The following ZBTB44 variants were observed in gnomAD, a reference collection of about 807,000 sequenced individuals.
ZBTB44 encodes the protein zinc finger and BTB domain-containing protein 44.
A neutral mutation model predicts 54.0 loss-of-function variants in ZBTB44; 15 were observed. The ratio of observed to expected loss-of-function variants is 0.28; its 90% CI spans 0.19 to 0.43. The LOEUF is 0.43. Ranked by LOEUF, ZBTB44 falls within the 20% of genes least tolerant of loss-of-function variation. The pLI, the probability that ZBTB44 is intolerant of heterozygous loss-of-function variation, is 1.00. For missense variants in ZBTB44, 487 were observed against 707.1 expected (o/e 0.69, Z 3.53); for synonymous variants, 230 against 250.1 (o/e 0.92, Z 0.76).
chr11:130,311,301 T>C (rs1173518454), intron 1 of ZBTB44, among the ~76,000 whole-genome samples: 2 of 152,138 alleles, frequency 1.3e-5, no homozygotes, highest in Non-Finnish European at 2.9e-5. Flanking sequence ...CTCAACCTCC[T>C]GGGCTCAAGT....
intron 2 of ZBTB44, among the ~76,000 whole-genome samples, chr11:130,259,990 C>A (rs1938739866): frequency 6.6e-6 from 1 of 151,782 alleles, no homozygotes; most frequent in Non-Finnish European, 1.5e-5. Flanking sequence ...AACTATAAAT[C>A]ATTTTATTTT....
In ZBTB44 at chr11:130,267,994, C is replaced by A. The variant is rs942760895; in HGVS notation, c.-56-6065G>T. Among the ~76,000 whole-genome samples the A allele has an allele frequency of 2.7e-5, 4 of 150,454 alleles. No individual in the cohort carries two copies. The East Asian group carries it at 7.9e-4, about 30-fold the overall frequency. On this transcript the variant is annotated intron_variant, in intron 1 of 7. Transcript: ENST00000357899. Reference sequence around the variant, plus strand: ...AGGCTGAGGCAGAACTGCTTGAACCCGGGAGGTGGAGGCTGCAGTGAACCA... The same window carrying A: ...AGGCTGAGGCAGAACTGCTTGAACCAGGGAGGTGGAGGCTGCAGTGAACCA...
chr11:130,256,403 C>T (rs192100773), intron 2 of ZBTB44, among the ~76,000 whole-genome samples: 55 of 152,276 alleles, frequency 3.6e-4, no homozygotes, highest in African/African-American at 1.3e-3. Context: ...CCTGGCTGGG[C>T]GTGGTGGCTC....
intron 1 of ZBTB44, among the ~76,000 whole-genome samples, chr11:130,291,434 G>A (rs1263263661): frequency 6.6e-6 from 1 of 152,092 alleles, no homozygotes; most frequent in South Asian, 2.1e-4. Context: ...ACCGCGCCCG[G>A]CCAGCCTTCC....
At chr11:130,267,964 T>G (rs1939379557) in intron 1 of ZBTB44, among the ~76,000 whole-genome samples, 1 of 151,218 alleles carries the variant, frequency 6.6e-6, no homozygotes, top group African/African-American at 2.4e-5. Flanking sequence ...TCCCAGCTAC[T>G]CGGGAGGCTG....
Position 130,236,337 on chromosome 11 carries a change from A to G in ZBTB44, c.1568+456T>C, listed in dbSNP as rs1235568794. 3 of 969,072 alleles carry G rather than the reference A, an allele frequency of 3.1e-6. No homozygotes were observed. The African/African-American group carries it at 5.1e-5, about 17-fold the overall frequency. The allele number at this position is 969,072 out of a possible 1,614,324, so 60.0% of individuals were successfully genotyped here. On this transcript the variant is annotated intron_variant, in intron 5 of 7. Transcript: ENST00000357899. ...TCACACCCACTATAGTTGCCTTTGAAATTTTTCTTACTGGCCAATGGCTAT... is the reference window on the plus strand; with the variant it reads ...TCACACCCACTATAGTTGCCTTTGAGATTTTTCTTACTGGCCAATGGCTAT...
chr11:130,239,978 A>G, intron 2 of ZBTB44, 82 bp from the exon 3 acceptor site: 1 of 908,562 alleles, frequency 1.1e-6, no homozygotes, highest in South Asian at 1.4e-5. Context: ...ATTATATCTA[A>G]GCCTCTGACA....
intron 1 of ZBTB44, 132 bp from the exon 2 acceptor site, chr11:130,262,061 G>A: frequency 3.0e-6 from 2 of 656,946 alleles, no homozygotes; most frequent in Admixed American, 6.2e-5. Flanking sequence ...CTTCAAGGTA[G>A]GGACTGTATA....
intron 1 of ZBTB44, among the ~76,000 whole-genome samples, chr11:130,294,023 C>G (rs1941475978): frequency 6.6e-6 from 1 of 152,124 alleles, no homozygotes; most frequent in Non-Finnish European, 1.5e-5. Flanking sequence ...CTTTCTACAT[C>G]AAGAGAAGAT....
chr11:130,304,555 G>T (rs1009767050), intron 1 of ZBTB44, among the ~76,000 whole-genome samples: 1 of 152,042 alleles, frequency 6.6e-6, no homozygotes, highest in African/African-American at 2.4e-5. Flanking sequence ...GATACAGCAT[G>T]TTACTGGTTT....
chr11:130,265,356 C>T (rs1322435069), intron 1 of ZBTB44, among the ~76,000 whole-genome samples: 2 of 152,138 alleles, frequency 1.3e-5, no homozygotes, highest in African/African-American at 2.4e-5. Flanking sequence ...TCCAGAGTAG[C>T]TGGAAATACA....
intron 2 of ZBTB44, among the ~76,000 whole-genome samples, chr11:130,247,153 TC>T (rs1937613288): frequency 6.6e-6 from 1 of 152,146 alleles, no homozygotes; most frequent in South Asian, 2.1e-4. Flanking sequence ...TTTAACACCT[TC>T]TTACTGACAA....
chr11:130,282,608 G>T (rs1412374959), intron 1 of ZBTB44, among the ~76,000 whole-genome samples: 4 of 152,118 alleles, frequency 2.6e-5, no homozygotes, highest in African/African-American at 9.7e-5. Flanking sequence ...TTAATTTCCA[G>T]GTAAAGAGCA....
intron 6 of ZBTB44, 197 bp from the exon 7 acceptor site, chr11:130,233,579 G>A: frequency 7.1e-7 from 1 of 1,399,090 alleles, no homozygotes; most frequent in Non-Finnish European, 9.3e-7. Context: ...GTGTACAGCA[G>A]TAAGTATCTA....
chr11:130,269,566 T>C (rs1048619662), intron 1 of ZBTB44, among the ~76,000 whole-genome samples: 1 of 152,348 alleles, frequency 6.6e-6, no homozygotes, highest in South Asian at 2.1e-4. Flanking sequence ...GTGAAAGTGG[T>C]ATGTTGCTAA....
At chr11:130,289,337 G>A (rs913037466) in intron 1 of ZBTB44, among the ~76,000 whole-genome samples, 30 of 151,956 alleles carry the variant, frequency 2.0e-4, no homozygotes, top group Admixed American at 3.9e-4. Flanking sequence ...ACAAAAATTC[G>A]TCAGGCACAG....
At chr11:130,296,398 C>T (rs1021328691) in intron 1 of ZBTB44, 18 of 1,508,762 alleles carry the variant, frequency 1.2e-5, no homozygotes, top group Non-Finnish European at 1.6e-5. Context: ...ATTGATTTGC[C>T]CGTCTTGGCC....
At chr11:130,310,029 T>G (rs1242774961) in intron 1 of ZBTB44, among the ~76,000 whole-genome samples, 2 of 152,144 alleles carry the variant, frequency 1.3e-5, no homozygotes, top group Admixed American at 6.5e-5. Flanking sequence ...AAATATGGTA[T>G]CTAGGCCTAC....
At chr11:130,259,430 C>T (rs372136934) in intron 2 of ZBTB44, among the ~76,000 whole-genome samples, 2 of 152,258 alleles carry the variant, frequency 1.3e-5, no homozygotes, top group South Asian at 2.1e-4. Flanking sequence ...AAATACCATT[C>T]GACCCAGCCA....
Sources: allele counts gnomAD v4.1 joint callset (sites outside exome capture counted in the v4.1 genomes callset), GRCh38; gene constraint gnomAD v4.1.1; transcripts MANE v1.5; gene names NCBI Gene and HGNC (gene_info 2026-07-23, HGNC 2026-07-21).